The following FARS2 variants were observed in gnomAD, a reference collection of about 807,000 sequenced individuals.
FARS2 encodes phenylalanyl-tRNA synthetase 2, mitochondrial.
Under a neutral mutation model 46.4 loss-of-function variants are expected in FARS2, and 40 were observed. That is an observed-to-expected ratio of 0.86 (90% CI 0.67 to 1.12). The LOEUF (loss-of-function observed/expected upper bound fraction) is 1.12. Among genes scored for constraint, FARS2 ranks in the 50% most tolerant of loss-of-function variants. The pLI, the probability that FARS2 is intolerant of heterozygous loss-of-function variation, is 0.00. For missense variants in FARS2, 513 were observed against 567.9 expected, an observed-to-expected ratio of 0.90 and a Z score of 0.98; for synonymous variants, 234 against 214.9, an observed-to-expected ratio of 1.09 and a Z score of -0.78.
intron 4 of FARS2, among the ~76,000 whole-genome samples, chr6:5,505,113 T>A (rs982049559): frequency 6.6e-6 from 1 of 152,254 alleles, no homozygotes; most frequent in African/African-American, 2.4e-5. Flanking sequence ...TTGTGGTACC[T>A]ACTTTCACTC....
intron 4 of FARS2, among the ~76,000 whole-genome samples, chr6:5,481,466 C>A (rs751321467): frequency 6.6e-6 from 1 of 152,132 alleles, no homozygotes; most frequent in Admixed American, 6.6e-5. Flanking sequence ...TTTCTTTTGT[C>A]GTTTTTCTGG....
At chr6:5,622,835 C>A (rs1192320553) in intron 6 of FARS2, among the ~76,000 whole-genome samples, 1 of 152,208 alleles carries the variant, frequency 6.6e-6, no homozygotes, top group Non-Finnish European at 1.5e-5. Flanking sequence ...CAGATTAAGA[C>A]AATAGCTCAT....
chr6:5,673,835 A>G (rs911441424), intron 6 of FARS2, among the ~76,000 whole-genome samples: 3 of 152,196 alleles, frequency 2.0e-5, no homozygotes, highest in African/African-American at 7.2e-5. Context: ...TGGACTTAAC[A>G]TATGAATATA....
intron 6 of FARS2, among the ~76,000 whole-genome samples, chr6:5,673,414 G>A (rs1442367370): frequency 2.0e-5 from 3 of 152,132 alleles, no homozygotes; most frequent in African/African-American, 7.2e-5. Context: ...AGTTAATAAG[G>A]CCACAAATTT....
At chr6:5,707,939 T>G (rs1758862362) in intron 6 of FARS2, among the ~76,000 whole-genome samples, 2 of 152,204 alleles carry the variant, frequency 1.3e-5, no homozygotes, top group South Asian at 4.1e-4. Context: ...TGGCTACTAA[T>G]TCCTTATGGC....
At chr6:5,424,069 G>A (rs1230374867) in intron 3 of FARS2, among the ~76,000 whole-genome samples, 1 of 152,136 alleles carries the variant, frequency 6.6e-6, no homozygotes, top group Non-Finnish European at 1.5e-5. Flanking sequence ...GGCAGCCCTG[G>A]GAATCGTGTC....
intron 3 of FARS2, among the ~76,000 whole-genome samples, chr6:5,428,301 A>AT (rs201029054): frequency 0.022 from 3,289 of 152,264 alleles, 58 homozygotes; most frequent in Middle Eastern, 0.054. Flanking sequence ...ATCCAAAATG[A>AT]TTTTTTTAAC....
chr6:5,630,231 A>G lies in FARS2; in HGVS notation c.1217+16911A>G, dbSNP rs73718327. 0.029 allele frequency among the ~76,000 whole-genome samples: 4,398 copies of G among 152,242 alleles called. 143 individuals carry two copies. The highest frequency in any genetic ancestry group is 0.081 in the African/African-American group (3,359 of 41,516). The stretch of plus-strand genomic sequence containing the variant: ...GTGAGGAACTAAGAAGGGAGACCCA[A>G]GAGATGGAAGTCAAAGAGCAGAGGC... On this transcript the variant is annotated intron_variant, in intron 6 of 6. Coordinates refer to ENST00000274680, the MANE Select transcript of FARS2 (RefSeq NM_006567.5). This position sits in a 1 kb window ranked among gnomAD's most constrained non-coding sequence, Gnocchi z 4.2.
At chr6:5,432,362 T>TATAA (rs1763251408) in intron 4 of FARS2, among the ~76,000 whole-genome samples, 2 of 115,056 alleles carry the variant, frequency 1.7e-5, no homozygotes, top group South Asian at 2.5e-4. Context: ...TATATATATA[T>TATAA]AATATATTAT....
intron 5 of FARS2, among the ~76,000 whole-genome samples, chr6:5,570,064 A>G (rs551936087): frequency 6.6e-6 from 1 of 152,358 alleles, no homozygotes; most frequent in South Asian, 2.1e-4. Context: ...CATCAGCAAA[A>G]GCCAAACTCA....
At chr6:5,252,735 T>G in the FARS2 span, among the ~76,000 whole-genome samples, 4 of 152,184 alleles carry the variant, frequency 2.6e-5, no homozygotes, top group African/African-American at 9.7e-5. Context: ...AGCTTTACCC[T>G]TTCCTGGCTG....
At chr6:5,253,594 G>T in the FARS2 span, among the ~76,000 whole-genome samples, 1 of 152,120 alleles carries the variant, frequency 6.6e-6, no homozygotes, top group Non-Finnish European at 1.5e-5. Flanking sequence ...GCTAACAAAG[G>T]TACAGTGCTG....
chr6:5,724,681 C>A (rs1336501456), intron 6 of FARS2, among the ~76,000 whole-genome samples: 2 of 152,220 alleles, frequency 1.3e-5, no homozygotes, highest in Non-Finnish European at 2.9e-5. Flanking sequence ...CTTCTGTGTC[C>A]TCCCCGACAC....
chr6:5,597,099 C>T (rs964963062), intron 5 of FARS2, among the ~76,000 whole-genome samples: 3 of 152,214 alleles, frequency 2.0e-5, no homozygotes, highest in African/African-American at 7.2e-5. Context: ...GCTGGCACTG[C>T]TGCCCTGGAC....
At chr6:5,341,219 ATATATATATATATATAT>A (rs1771584295) in intron 1 of FARS2, among the ~76,000 whole-genome samples, 3 of 5,000 alleles carry the variant, frequency 6.0e-4, no homozygotes, top group African/African-American at 2.3e-3. Flanking sequence ...ATATATATAT[ATATATATATATATATAT>A]TTTTTTTTTT....
intron 5 of FARS2, among the ~76,000 whole-genome samples, chr6:5,569,378 A>G (rs1772503830): frequency 6.6e-6 from 1 of 151,850 alleles, no homozygotes; most frequent in Non-Finnish European, 1.5e-5. Flanking sequence ...TTGGGACTAT[A>G]AGCATATGCC....
chr6:5,346,402 T>G (rs1757231838), intron 1 of FARS2, among the ~76,000 whole-genome samples: 1 of 152,164 alleles, frequency 6.6e-6, no homozygotes, highest in African/African-American at 2.4e-5. Context: ...GTTTATACAA[T>G]AAATAAAGTA....
chr6:5,622,694 A>G (rs115777474), intron 6 of FARS2, among the ~76,000 whole-genome samples: 3 of 152,168 alleles, frequency 2.0e-5, no homozygotes, highest in Non-Finnish European at 4.4e-5. Flanking sequence ...AAGTGGAGAG[A>G]GACAGCCTTC....
chr6:5,403,914 T>C (rs1418167642), intron 2 of FARS2, among the ~76,000 whole-genome samples: 1 of 152,234 alleles, frequency 6.6e-6, no homozygotes, highest in Admixed American at 6.5e-5. Context: ...GGAAAACTTA[T>C]TTAGCCATTG....
Sources: gnomAD v4.1 joint callset for allele counts (sites outside exome capture counted in the v4.1 genomes callset) on GRCh38, gnomAD v4.1.1 for gene constraint, Gnocchi (gnomAD v3.1) non-coding constraint, MANE v1.5 for transcripts, NCBI Gene and HGNC (gene_info 2026-07-23, HGNC 2026-07-21) for gene names.